Variants in RIT2 observed in about 807,000 individuals in gnomAD.
RIT2 encodes GTP-binding protein Rit2.
A neutral mutation model predicts 23.7 loss-of-function variants in RIT2; 24 were observed. The ratio of observed to expected loss-of-function variants is 1.01; its 90% CI spans 0.73 to 1.43. RIT2 has a LOEUF of 1.43. Ranked by LOEUF, RIT2 falls within the 40% of genes most tolerant of loss-of-function variation. RIT2 has a pLI of 0.00. For missense variants in RIT2, 236 were observed against 266.9 expected, an observed-to-expected ratio of 0.88 and a Z score of 0.81; for synonymous variants, 107 against 91.1, an observed-to-expected ratio of 1.17 and a Z score of -0.99.
chr18:42,909,631 C>T (rs1908715749), intron 4 of RIT2, among the ~76,000 whole-genome samples: 1 of 151,680 alleles, frequency 6.6e-6, no homozygotes, highest in Admixed American at 6.6e-5. Context: ...AACCATGAAA[C>T]CAAAACCCAC....
chr18:42,864,591 G>A lies in RIT2; in HGVS notation c.426+58981C>T, dbSNP rs534337059. The stretch of plus-strand genomic sequence containing the variant: ...ATTTTGGCAGTTTTCAAAGAGACTC[G>A]CTCATATTGAAATTCTTGAGTTTTT... On this transcript the variant is annotated intron_variant, in intron 4 of 4. Coordinates refer to ENST00000326695, the MANE Select transcript of RIT2 (RefSeq NM_002930.4). Among the ~76,000 whole-genome samples the A allele has an allele frequency of 2.8e-4, 42 of 152,210 alleles. 1 individual carries two copies. The highest frequency in any genetic ancestry group is 2.5e-3 in the South Asian group (12 of 4,818).
At chr18:42,930,373 T>TA (rs34081430) in intron 3 of RIT2, among the ~76,000 whole-genome samples, 165 of 146,702 alleles carry the variant, frequency 1.1e-3, no homozygotes, top group African/African-American at 3.6e-3. Flanking sequence ...GAGGTCACAA[T>TA]AAAAAAAAAT....
chr18:42,768,069 T>G (rs2143911193), intron 4 of RIT2, among the ~76,000 whole-genome samples: 1 of 151,544 alleles, frequency 6.6e-6, no homozygotes, highest in Non-Finnish European at 1.5e-5. Context: ...AATATATGCA[T>G]ATTATAGTAT....
chr18:42,910,588 T>TGGCAAAGC (rs1430878539), intron 4 of RIT2, among the ~76,000 whole-genome samples: 4 of 151,554 alleles, frequency 2.6e-5, no homozygotes, highest in African/African-American at 9.7e-5. Context: ...AACAGAAGAG[T>TGGCAAAGC]GGCAAAGCGG....
intron 1 of RIT2, among the ~76,000 whole-genome samples, chr18:43,099,396 G>A (rs1407910110): frequency 6.6e-6 from 1 of 151,866 alleles, no homozygotes; most frequent in Non-Finnish European, 1.5e-5. Context: ...ACGTAAGTTT[G>A]CATTTTTAAT....
At chr18:42,749,344 G>A (rs1475549644) in intron 4 of RIT2, among the ~76,000 whole-genome samples, 1 of 151,752 alleles carries the variant, frequency 6.6e-6, no homozygotes, top group Non-Finnish European at 1.5e-5. Flanking sequence ...GATGCTTATA[G>A]CATTACAAGC....
intron 4 of RIT2, among the ~76,000 whole-genome samples, chr18:42,816,374 A>G (rs1157633897): frequency 6.6e-6 from 1 of 152,192 alleles, no homozygotes; most frequent in Non-Finnish European, 1.5e-5. Flanking sequence ...GAATTCACCA[A>G]ATGGTTCACC....
At chr18:42,755,095 G>A (rs1913130916) in intron 4 of RIT2, among the ~76,000 whole-genome samples, 1 of 152,084 alleles carries the variant, frequency 6.6e-6, no homozygotes, top group South Asian at 2.1e-4. Context: ...GGCACTTATA[G>A]AGTTCCTAGT....
intron 1 of RIT2, among the ~76,000 whole-genome samples, chr18:43,049,292 G>A (rs913783857): frequency 5.3e-4 from 80 of 152,180 alleles, no homozygotes; most frequent in African/African-American, 1.7e-3. Context: ...AACAGTGTCA[G>A]TGGAGCTAAA....
At chr18:42,866,321 T>G (rs1598690260) in intron 4 of RIT2, among the ~76,000 whole-genome samples, 1 of 152,304 alleles carries the variant, frequency 6.6e-6, no homozygotes, top group East Asian at 1.9e-4. Context: ...TAATGTTGAT[T>G]AATATTTGTA....
intron 4 of RIT2, among the ~76,000 whole-genome samples, chr18:42,803,477 A>G (rs140896794): frequency 5.9e-5 from 9 of 152,250 alleles, no homozygotes; most frequent in African/African-American, 1.9e-4. Context: ...GCTGGATACT[A>G]TATGGCCATG....
At chr18:43,075,527 A>G (rs761599588) in intron 1 of RIT2, among the ~76,000 whole-genome samples, 2 of 152,210 alleles carry the variant, frequency 1.3e-5, no homozygotes, top group Non-Finnish European at 2.9e-5. Flanking sequence ...ATACATACAT[A>G]TATTTTGCTT....
intron 3 of RIT2, among the ~76,000 whole-genome samples, chr18:42,957,761 G>T (rs997127138): frequency 6.6e-6 from 1 of 152,062 alleles, no homozygotes; most frequent in African/African-American, 2.4e-5. Flanking sequence ...TCCAGCCTAG[G>T]CAACAGAGTG....
chr18:42,918,344 T>G (rs1418534958), intron 4 of RIT2, among the ~76,000 whole-genome samples: 2 of 152,196 alleles, frequency 1.3e-5, no homozygotes, highest in African/African-American at 4.8e-5. Flanking sequence ...GTTTTCTGTC[T>G]CAATTGGAGT....
chr18:43,113,809 A>G (rs1914005980), intron 1 of RIT2, among the ~76,000 whole-genome samples: 1 of 152,208 alleles, frequency 6.6e-6, no homozygotes, highest in Non-Finnish European at 1.5e-5. Flanking sequence ...GAGGCACATT[A>G]TTGCGACAAT....
chr18:42,833,847 A>C (rs1906526522), intron 4 of RIT2, among the ~76,000 whole-genome samples: 1 of 152,108 alleles, frequency 6.6e-6, no homozygotes, highest in South Asian at 2.1e-4. Context: ...AAAATAAAAT[A>C]AAATAAAATA....
intron 1 of RIT2, among the ~76,000 whole-genome samples, chr18:43,094,826 T>C (rs1913512506): frequency 2.0e-5 from 3 of 152,064 alleles, no homozygotes; most frequent in Admixed American, 6.6e-5. Flanking sequence ...TTTTCTGTCC[T>C]TGTGATAGTT....
At chr18:42,927,927 G>T (rs555460966) in intron 3 of RIT2, among the ~76,000 whole-genome samples, 49 of 151,988 alleles carry the variant, frequency 3.2e-4, no homozygotes, top group African/African-American at 1.1e-3. Flanking sequence ...TTTTAAGCAG[G>T]TATTAGAAAA....
intron 3 of RIT2, among the ~76,000 whole-genome samples, chr18:42,924,234 TG>T (rs1228396166): frequency 2.0e-5 from 3 of 152,210 alleles, no homozygotes; most frequent in African/African-American, 7.2e-5. Flanking sequence ...CCAAGGAATC[TG>T]GGGGAACAAA....
Sources: gnomAD v4.1 joint callset for allele counts (sites outside exome capture counted in the v4.1 genomes callset) on GRCh38, gnomAD v4.1.1 for gene constraint, MANE v1.5 for transcripts, NCBI Gene and HGNC (gene_info 2026-07-23, HGNC 2026-07-21) for gene names.